RBFOX1: variants seen among roughly 807,000 people sequenced by gnomAD.
The protein encoded by RBFOX1 is RNA binding fox-1 homolog 1.
Under a neutral mutation model 57.7 loss-of-function variants are expected in RBFOX1, and 8 were observed. That is an observed-to-expected ratio of 0.14 (90% CI 0.08 to 0.25). RBFOX1 has a LOEUF of 0.25. Among genes scored for constraint, RBFOX1 ranks in the 10% least tolerant of loss-of-function variants. The pLI is 1.00. For missense variants in RBFOX1, 611 were observed against 548.5 expected (o/e 1.11, Z -1.14); for synonymous variants, 326 against 222.4 (o/e 1.47, Z -4.15).
chr16:5,467,530 C>T (rs1327363308), intron 2 of RBFOX1, among the ~76,000 whole-genome samples: 2 of 152,104 alleles, frequency 1.3e-5, no homozygotes, highest in African/African-American at 4.8e-5. Flanking sequence ...TAAACAGCTT[C>T]TTATTGGGAA....
At chr16:7,679,690 T>A (rs1033359868) in intron 14 of RBFOX1, among the ~76,000 whole-genome samples, 4 of 152,030 alleles carry the variant, frequency 2.6e-5, no homozygotes, top group Non-Finnish European at 5.9e-5. Flanking sequence ...ACCTCAGGAC[T>A]GTCCAGAAGG....
intron 4 of RBFOX1, among the ~76,000 whole-genome samples, chr16:7,186,582 A>G (rs1159707294): frequency 8.4e-6 from 1 of 119,266 alleles, no homozygotes; most frequent in Non-Finnish European, 1.7e-5. Flanking sequence ...ATATAAATAT[A>G]AGCTTAAACA....
intron 3 of RBFOX1, among the ~76,000 whole-genome samples, chr16:6,666,211 G>A (rs982063327): frequency 1.3e-5 from 2 of 152,138 alleles, no homozygotes; most frequent in Non-Finnish European, 2.9e-5. Context: ...TCAGCAGCGT[G>A]AAAACAGACT....
At chr16:7,391,435 C>G (rs2098018888) in intron 4 of RBFOX1, among the ~76,000 whole-genome samples, 1 of 152,178 alleles carries the variant, frequency 6.6e-6, no homozygotes, top group Admixed American at 6.5e-5. Context: ...CGCAAGAGCT[C>G]TGCTATGATT....
At chr16:7,455,373 G>A (rs185360417) in intron 4 of RBFOX1, among the ~76,000 whole-genome samples, 3 of 152,234 alleles carry the variant, frequency 2.0e-5, no homozygotes, top group Admixed American at 1.3e-4. Flanking sequence ...CTGTGCACAT[G>A]CATGATAGGT....
chr16:5,559,312 G>A (rs1235930927), intron 2 of RBFOX1, among the ~76,000 whole-genome samples: 5 of 152,074 alleles, frequency 3.3e-5, no homozygotes, highest in Admixed American at 6.5e-5. Flanking sequence ...TAAATTCCAT[G>A]ACGTACATCT....
chr16:6,066,826 C>G (rs1213230211), intron 1 of RBFOX1, among the ~76,000 whole-genome samples: 1 of 152,152 alleles, frequency 6.6e-6, no homozygotes, highest in Non-Finnish European at 1.5e-5. Context: ...GCCCTCCACT[C>G]AGAGGTAGAG....
intron 3 of RBFOX1, among the ~76,000 whole-genome samples, chr16:7,013,214 C>G (rs1259159252): frequency 6.6e-6 from 1 of 152,158 alleles, no homozygotes; most frequent in Non-Finnish European, 1.5e-5. Flanking sequence ...ATTTAGTTCT[C>G]TAAGCATCCT....
chr16:6,673,395 C>G (rs1181561142), intron 3 of RBFOX1, among the ~76,000 whole-genome samples: 2 of 152,118 alleles, frequency 1.3e-5, no homozygotes, highest in African/African-American at 2.4e-5. Context: ...TGAGACCAGC[C>G]TGGTCAACAT....
At chr16:5,532,441 C>T (rs2044522335) in intron 2 of RBFOX1, among the ~76,000 whole-genome samples, 2 of 152,302 alleles carry the variant, frequency 1.3e-5, no homozygotes. Flanking sequence ...GACCCGGACT[C>T]ACTGATCTGA....
At chr16:7,188,626 A>G (rs1411514034) in intron 4 of RBFOX1, among the ~76,000 whole-genome samples, 1 of 152,170 alleles carries the variant, frequency 6.6e-6, no homozygotes, top group African/African-American at 2.4e-5. Context: ...TCCAATAAGC[A>G]TTGACTCATT....
chr16:6,975,455 TG>T (rs2086622801), intron 3 of RBFOX1, among the ~76,000 whole-genome samples: 1 of 152,036 alleles, frequency 6.6e-6, no homozygotes, highest in Non-Finnish European at 1.5e-5. Flanking sequence ...TTAGTGGAGA[TG>T]GGGTTTCACC....
chr16:5,452,889 C>T (rs1487899266), intron 1 of RBFOX1, among the ~76,000 whole-genome samples: 1 of 152,150 alleles, frequency 6.6e-6, no homozygotes, highest in Admixed American at 6.5e-5. Flanking sequence ...TGCTCGGCTT[C>T]CCAAAGTGCT....
At chr16:5,989,880 A>ACACACACAGACACC (rs33912010) in intron 4 of RBFOX1, among the ~76,000 whole-genome samples, 1 of 127,210 alleles carries the variant, frequency 7.9e-6, no homozygotes, top group Non-Finnish European at 1.7e-5. Context: ...ACACACACAC[A>ACACACACAGACACC]CCACCCCTGT....
At chr16:7,201,500 C>T (rs766493753) in intron 4 of RBFOX1, among the ~76,000 whole-genome samples, 21 of 148,186 alleles carry the variant, frequency 1.4e-4, no homozygotes, top group African/African-American at 2.3e-4. Flanking sequence ...TTGCTCTTGT[C>T]GCCCAGGCTG....
At chr16:5,553,895 G>C (rs572234734) in intron 2 of RBFOX1, among the ~76,000 whole-genome samples, 137 of 151,858 alleles carry the variant, frequency 9.0e-4, no homozygotes, top group South Asian at 6.5e-3. Flanking sequence ...CCTGTGGATG[G>C]ATCAGAGATG....
In RBFOX1 at chr16:7,067,460, T is replaced by A. The variant is rs867961361; in HGVS notation, c.27+15362T>A. On this transcript the variant is annotated intron_variant, in intron 4 of 15. Transcript: ENST00000550418. ...AGGAGAGAATCCTTTTTTTTTTTTT[T>A]ATCATTCTGATTGCAGTCAGAGTCC... 1.1e-4 allele frequency among the ~76,000 whole-genome samples: 16 copies of A among 152,026 alleles called. No individual in the cohort carries two copies. In the East Asian group the frequency reaches 1.2e-3, roughly 11 times the overall value.
chr16:6,725,686 G>A (rs139047467), intron 3 of RBFOX1, among the ~76,000 whole-genome samples: 5 of 152,274 alleles, frequency 3.3e-5, no homozygotes, highest in Non-Finnish European at 5.9e-5. Flanking sequence ...TTAAAAAGAA[G>A]AGTTCAGATT....
intron 1 of RBFOX1, among the ~76,000 whole-genome samples, chr16:6,111,903 A>G (rs762169810): frequency 7.2e-5 from 11 of 152,234 alleles, no homozygotes; most frequent in East Asian, 1.9e-4. Flanking sequence ...AATAATCCAT[A>G]TACAATACTT....
Sources: allele counts gnomAD v4.1 joint callset (sites outside exome capture counted in the v4.1 genomes callset), GRCh38; gene constraint gnomAD v4.1.1; transcripts MANE v1.5; gene names NCBI Gene and HGNC (gene_info 2026-07-23, HGNC 2026-07-21).